Variants in IQSEC1 observed in about 807,000 individuals in gnomAD.
IQSEC1 encodes IQ motif and Sec7 domain ArfGEF 1, also known as IQ motif and SEC7 domain-containing protein 1.
A neutral mutation model predicts 91.0 loss-of-function variants in IQSEC1; 31 were observed. The observed-to-expected ratio is 0.34, with a 90% CI of 0.26 to 0.46. The LOEUF is 0.46. IQSEC1 is among the 20% of genes least tolerant of loss of function. The pLI is 1.00. For synonymous variants in IQSEC1, 699 were observed against 662.6 expected, an observed-to-expected ratio of 1.05 and a Z score of -0.84; for missense variants, 1,388 against 1,575.6, an observed-to-expected ratio of 0.88 and a Z score of 2.02.
Position 13,207,815 on chromosome 3 carries a change from C to T in IQSEC1, c.273-43682G>A, listed in dbSNP as rs1031412875. Among the ~76,000 whole-genome samples the T allele has an allele frequency of 3.9e-5, 6 of 152,212 alleles. No individual in the cohort carries two copies. The highest frequency in any genetic ancestry group is 1.4e-4 in the African/African-American group (6 of 41,440). On this transcript the variant is annotated intron_variant, in intron 1 of 15. Coordinates refer to the IQSEC1 transcript ENST00000648114. This position sits in a 1 kb window ranked among gnomAD's most constrained non-coding sequence, Gnocchi z 4.8. ...CACCCGGCCACGTGGTCCGGCCAGC[C>T]TTGTGTGGTCCCCATACACTGACCA... is the stretch of plus-strand genomic sequence containing the variant.
At position 12,901,272 on chromosome 3, in the gene IQSEC1, A is replaced by G; in HGVS notation, c.3056T>C (p.Leu1019Pro). 1.3e-6 allele frequency: 2 copies of G among 1,545,074 alleles called. 1 individual carries two copies. The highest frequency in any genetic ancestry group is 3.5e-4 in the Middle Eastern group (2 of 5,796). ...ATGCCCGTGCATGGCGGCCTGCGGC[A>G]GCCCCTCTGGGGGCCCCAGGTGGTG... ...AGHHLGPPEGLPQAAMHGHHT... is the reference protein window; with the variant it reads ...AGHHLGPPEGPPQAAMHGHHT... The change falls in exon 14 of 14, where the codon CTG becomes CCG. Residue 1019 changes from leucine to proline, a missense_variant. Transcript: ENST00000613206.
intron 1 of IQSEC1, among the ~76,000 whole-genome samples, chr3:13,201,577 C>T (rs1694247406): frequency 6.6e-6 from 1 of 152,182 alleles, no homozygotes. Flanking sequence ...CTCCCAGCCT[C>T]AAGCAATCCT....
At chr3:13,107,715 G>A (rs1706174609) in intron 2 of IQSEC1, among the ~76,000 whole-genome samples, 1 of 152,228 alleles carries the variant, frequency 6.6e-6, no homozygotes, top group African/African-American at 2.4e-5. Flanking sequence ...AGACCCTGGT[G>A]GGGACCACTC....
rs181953654 is a variant in IQSEC1, at chr3:12,967,931, G to T, written c.24-26066C>A. 3.2e-4 allele frequency among the ~76,000 whole-genome samples: 47 copies of T among 145,360 alleles called. No homozygotes were observed. The highest frequency in any genetic ancestry group is 1.0e-3 in the African/African-American group (42 of 40,640). ...CGGGGCGTCAGGGGCGGGGCTACGC[G>T]CAGGGGCGGGGCCGAGCCGAGGCGC... On this transcript the variant is annotated intron_variant, in intron 1 of 13. Coordinates refer to ENST00000613206, the MANE Select transcript of IQSEC1 (RefSeq NM_001134382.3). This position sits in a 1 kb window ranked among gnomAD's most constrained non-coding sequence, Gnocchi z 5.9.
chr3:13,090,261 T>C (rs1705837480), intron 2 of IQSEC1, among the ~76,000 whole-genome samples: 1 of 152,048 alleles, frequency 6.6e-6, no homozygotes, highest in Non-Finnish European at 1.5e-5. Context: ...ATATTTTAAA[T>C]TTCTATATTC....
At chr3:13,112,107 A>C (rs1706256720) in intron 2 of IQSEC1, among the ~76,000 whole-genome samples, 1 of 151,858 alleles carries the variant, frequency 6.6e-6, no homozygotes, top group Admixed American at 6.6e-5. Context: ...CTGGACTCCT[A>C]CTCAGCCTCC....
intron 2 of IQSEC1, among the ~76,000 whole-genome samples, chr3:13,085,674 C>T (rs1282566865): frequency 3.3e-5 from 5 of 152,154 alleles, no homozygotes; most frequent in Non-Finnish European, 5.9e-5. Flanking sequence ...ACAGAATAGC[C>T]GTTACCAAAG....
chr3:13,155,292 A>C (rs1707068196), intron 2 of IQSEC1, among the ~76,000 whole-genome samples: 1 of 152,242 alleles, frequency 6.6e-6, no homozygotes. Context: ...CAGAAGTGAA[A>C]GTTAGAATTT....
intron 2 of IQSEC1, among the ~76,000 whole-genome samples, chr3:13,117,597 A>G (rs1327389554): frequency 6.7e-6 from 1 of 148,954 alleles, no homozygotes; most frequent in Non-Finnish European, 1.5e-5. Context: ...AAAAAAAAAA[A>G]AAGCCACGGC....
intron 6 of IQSEC1, among the ~76,000 whole-genome samples, chr3:12,918,078 C>T (rs1292484504): frequency 6.6e-6 from 1 of 152,238 alleles, no homozygotes; most frequent in Non-Finnish European, 1.5e-5. Context: ...GTCCAGGGAC[C>T]TGCCTGGCCT....
At chr3:13,169,142 G>A (rs1693556382) in intron 1 of IQSEC1, among the ~76,000 whole-genome samples, 1 of 152,178 alleles carries the variant, frequency 6.6e-6, no homozygotes, top group Non-Finnish European at 1.5e-5. Flanking sequence ...CACGTGTTGT[G>A]GGAGGGACCC....
At chr3:13,069,900 T>G (rs1401991649) in intron 1 of IQSEC1, among the ~76,000 whole-genome samples, 2 of 152,254 alleles carry the variant, frequency 1.3e-5, no homozygotes, top group African/African-American at 2.4e-5. Context: ...GGAAGCCTCC[T>G]GATGTTCCCC....
chr3:13,033,664 C>T (rs1576194585), intron 1 of IQSEC1, among the ~76,000 whole-genome samples: 1 of 152,112 alleles, frequency 6.6e-6, no homozygotes, highest in East Asian at 1.9e-4. Context: ...AGGCTTGAGA[C>T]CCAAGAAGAG....
intron 1 of IQSEC1, among the ~76,000 whole-genome samples, chr3:13,272,763 T>G (rs1695611129): frequency 6.6e-6 from 1 of 152,220 alleles, no homozygotes. Flanking sequence ...CCTCCTTTTT[T>G]GTCGGGGAGG....
intron 3 of IQSEC1, among the ~76,000 whole-genome samples, chr3:12,933,332 C>G (rs753591235): frequency 1.3e-4 from 20 of 152,308 alleles, no homozygotes; most frequent in Middle Eastern, 3.4e-3. Context: ...AAGCTAGAAG[C>G]AACTGGCCAA....
At chr3:13,124,111 G>A (rs1706472258) in intron 2 of IQSEC1, among the ~76,000 whole-genome samples, 1 of 152,222 alleles carries the variant, frequency 6.6e-6, no homozygotes, top group Admixed American at 6.5e-5. Flanking sequence ...TCGTTCCACA[G>A]AAAAGACTTC....
At chr3:13,065,026 CAG>C (rs1705188299) in intron 1 of IQSEC1, among the ~76,000 whole-genome samples, 1 of 152,230 alleles carries the variant, frequency 6.6e-6, no homozygotes, top group Admixed American at 6.5e-5. Flanking sequence ...TGTTCAGGCC[CAG>C]TCCCACCAGC....
At chr3:13,060,174 G>A (rs1001953861) in intron 1 of IQSEC1, among the ~76,000 whole-genome samples, 2 of 152,226 alleles carry the variant, frequency 1.3e-5, no homozygotes. Context: ...GCTCAGAGAG[G>A]TAAAGGGGTT....
In IQSEC1 at chr3:12,920,333, C is replaced by T. The variant is rs1696504641; in HGVS notation, c.2020+97G>A. ...GGAGTGCCGGAGCACAGCTCCCCAA[C>T]TGGAGGTTGCCTCACGCCCCTTACA... On this transcript the variant is annotated intron_variant, in intron 6 of 13. Transcript: ENST00000613206. The T allele has an allele frequency of 4.0e-6, 5 of 1,242,742 alleles. No individual in the cohort carries two copies. The East Asian group carries it at 1.2e-4, about 29-fold the overall frequency. 77.0% of individuals were successfully genotyped at this position (1,242,742 alleles called of 1,614,324 possible). A position where few individuals can be genotyped will look rare whatever the true frequency, so the allele number is the denominator to read the frequency against.
Sources: gnomAD v4.1 joint callset for allele counts (sites outside exome capture counted in the v4.1 genomes callset) on GRCh38, gnomAD v4.1.1 for gene constraint, Gnocchi (gnomAD v3.1) non-coding constraint, MANE v1.5 for transcripts, NCBI Gene and HGNC (gene_info 2026-07-23, HGNC 2026-07-21) for gene names.